Variants in ADCY8 observed in about 807,000 individuals in gnomAD.
The protein encoded by ADCY8 is adenylate cyclase type 8.
A neutral mutation model predicts 119.7 loss-of-function variants in ADCY8; 51 were observed. The observed-to-expected ratio is 0.43, with a 90% CI of 0.34 to 0.54. The LOEUF (loss-of-function observed/expected upper bound fraction) is 0.54, where lower values mean the gene tolerates loss of function less well. ADCY8 is among the 20% of genes least tolerant of loss of function. The pLI is 0.03. For synonymous variants in ADCY8, 665 were observed against 651.0 expected (o/e 1.02, Z -0.33); for missense variants, 1,383 against 1,598.8 (o/e 0.87, Z 2.30).
intron 9 of ADCY8, among the ~76,000 whole-genome samples, chr8:130,866,880 T>C (rs1030840351): frequency 1.1e-4 from 16 of 152,204 alleles, no homozygotes; most frequent in Admixed American, 6.5e-5. Context: ...TTTCCTGGCA[T>C]GTATAAGTGC....
intron 2 of ADCY8, among the ~76,000 whole-genome samples, chr8:130,977,506 G>A (rs1315634380): frequency 6.6e-6 from 1 of 152,116 alleles, no homozygotes; most frequent in African/African-American, 2.4e-5. Flanking sequence ...GTAGTCTGAG[G>A]ATTTTGCTTT....
chr8:130,813,606 A>G (rs751798333), intron 14 of ADCY8, among the ~76,000 whole-genome samples: 2 of 152,192 alleles, frequency 1.3e-5, no homozygotes, highest in South Asian at 2.1e-4. Context: ...CTTTATGTAT[A>G]TATCACATTT....
Position 130,884,473 on chromosome 8 carries a change from A to G in ADCY8, c.2109+91T>C. On this transcript the variant is annotated intron_variant, in intron 8 of 17. Coordinates refer to ENST00000286355, the MANE Select transcript of ADCY8 (RefSeq NM_001115.3). Reference sequence around the variant, plus strand: ...ACCAAAGCAAACAAACAAAGAAACCAAAACCACAGCCCCTGGGCTCTCTCT... The same window carrying G: ...ACCAAAGCAAACAAACAAAGAAACCGAAACCACAGCCCCTGGGCTCTCTCT... 2.1e-6 allele frequency: 3 copies of G among 1,415,132 alleles called. No individual in the cohort carries two copies. In the South Asian group the frequency reaches 3.6e-5, roughly 17 times the overall value. 87.7% of individuals were successfully genotyped at this position (1,415,132 alleles called of 1,614,324 possible).
intron 1 of ADCY8, among the ~76,000 whole-genome samples, chr8:131,016,263 C>T (rs1823472363): frequency 7.9e-5 from 12 of 152,122 alleles, no homozygotes; most frequent in Admixed American, 7.9e-4. Flanking sequence ...GTGGCTCACA[C>T]TTGCAATCCC....
intron 12 of ADCY8, 29 bp from the exon 13 acceptor site, chr8:130,821,449 C>G: frequency 6.4e-7 from 1 of 1,567,218 alleles, no homozygotes; most frequent in Non-Finnish European, 8.8e-7. Context: ...AACTGATAAC[C>G]ATGGGGGGAC....
chr8:130,995,508 G>A (rs1434041990), intron 1 of ADCY8, among the ~76,000 whole-genome samples: 1 of 152,082 alleles, frequency 6.6e-6, no homozygotes, highest in Non-Finnish European at 1.5e-5. Context: ...TGACAGTGAG[G>A]ATCGTTTGAT....
chr8:131,015,107 AATTG>A, intron 1 of ADCY8, among the ~76,000 whole-genome samples: 1 of 152,176 alleles, frequency 6.6e-6, no homozygotes, highest in Non-Finnish European at 1.5e-5. Flanking sequence ...ATTTTTGGAA[AATTG>A]ATTGATAAAG....
intron 1 of ADCY8, among the ~76,000 whole-genome samples, chr8:131,028,088 C>T (rs556356173): frequency 3.3e-4 from 51 of 152,316 alleles, no homozygotes; most frequent in African/African-American, 1.2e-3. Context: ...CTAACTGGGT[C>T]AGGAGTGTTG....
At chr8:131,023,458 A>G (rs1823736028) in intron 1 of ADCY8, among the ~76,000 whole-genome samples, 1 of 152,180 alleles carries the variant, frequency 6.6e-6, no homozygotes, top group African/African-American at 2.4e-5. Context: ...GTCACAGAGC[A>G]GAAGATGGCA....
In ADCY8 at chr8:130,780,361, C is replaced by CAAAA. The variant is rs5895055; in HGVS notation, c.*25_*28dup. The CAAAA allele has an allele frequency of 0.067, 83,983 of 1,254,522 alleles. 296 individuals are homozygous for CAAAA. Among genetic ancestry groups the CAAAA allele is most frequent in the Middle Eastern group, 0.092 (311 of 3,376 alleles). 77.7% of individuals were successfully genotyped at this position (1,254,522 alleles called of 1,614,324 possible). A position where few individuals can be genotyped will look rare whatever the true frequency, so the allele number is the denominator to read the frequency against. On this transcript the variant is annotated 3_prime_UTR_variant, in exon 18 of 18. Transcript: ENST00000286355. ...ATTTATTTTATATATAAAAGAAATA[C>CAAAA]AAAAAAAAAAAACAGAAAGAAAATG...
At chr8:130,813,791 A>G (rs1816249814) in intron 14 of ADCY8, among the ~76,000 whole-genome samples, 1 of 152,178 alleles carries the variant, frequency 6.6e-6, no homozygotes, top group Non-Finnish European at 1.5e-5. Context: ...ACATACACAT[A>G]CATATATATA....
chr8:131,022,527 G>C (rs553177491), intron 1 of ADCY8, among the ~76,000 whole-genome samples: 2 of 152,246 alleles, frequency 1.3e-5, no homozygotes, highest in East Asian at 3.9e-4. Flanking sequence ...TATCATTGAT[G>C]GGCATTTGGA....
Position 130,847,474 on chromosome 8 carries a change from G to C in ADCY8, c.2452C>G (p.Leu818Val), listed in dbSNP as rs772079946. 8 of 1,612,168 alleles carry C rather than the reference G, an allele frequency of 5.0e-6. No homozygotes were observed. The South Asian group carries it at 7.7e-5, about 15-fold the overall frequency. ...AACACAGCTGAGGAATTGAAAGTCAGGTTCTTCAAGGGTATCGACTTGTCA... is the reference window on the plus strand; with the variant it reads ...AACACAGCTGAGGAATTGAAAGTCACGTTCTTCAAGGGTATCGACTTGTCA... Reference protein sequence around the residue: ...DFDKSIPLKNLTFNSSAVFTD... With the variant: ...DFDKSIPLKNVTFNSSAVFTD... The change falls in exon 11 of 18, where the codon CTG (leucine) becomes GTG (valine). Residue 818 changes from leucine (L) to valine (V), a missense_variant. By Grantham distance (32) the Leu-to-Val change is conservative. Around this residue, in one of 2 missense-constraint regions of ADCY8, gnomAD observed 928 missense variants for 1,163.5 expected, o/e 0.80. Coordinates refer to ENST00000286355, the MANE Select transcript of ADCY8 (RefSeq NM_001115.3).
intron 4 of ADCY8, among the ~76,000 whole-genome samples, chr8:130,939,252 C>T (rs533623004): frequency 6.6e-6 from 1 of 152,212 alleles, no homozygotes; most frequent in East Asian, 1.9e-4. Flanking sequence ...GCAAGGTTTT[C>T]TTTTTACCTA....
chr8:130,990,722 G>A, intron 1 of ADCY8, 180 bp from the exon 2 acceptor site: 1 of 694,766 alleles, frequency 1.4e-6, no homozygotes. Context: ...CATCCCTTTG[G>A]AGAGGGCTTC....
intron 15 of ADCY8, among the ~76,000 whole-genome samples, chr8:130,790,024 A>G (rs141009660): frequency 1.3e-5 from 2 of 152,292 alleles, no homozygotes; most frequent in East Asian, 3.9e-4. Flanking sequence ...TCCAGTAGGT[A>G]GTTATTGAAT....
intron 7 of ADCY8, among the ~76,000 whole-genome samples, chr8:130,893,813 TGC>T (rs1193288887): frequency 1.4e-5 from 2 of 145,278 alleles, no homozygotes; most frequent in Non-Finnish European, 3.1e-5. Flanking sequence ...TGCATGTTTA[TGC>T]GTGTGTGTGT....
At chr8:130,914,352 T>C (rs1033056226) in intron 5 of ADCY8, among the ~76,000 whole-genome samples, 1 of 152,212 alleles carries the variant, frequency 6.6e-6, no homozygotes, top group Non-Finnish European at 1.5e-5. Flanking sequence ...GCTAATGTCA[T>C]TAGGCAATTA....
chr8:131,007,999 A>G (rs775273526), intron 1 of ADCY8, among the ~76,000 whole-genome samples: 1 of 152,208 alleles, frequency 6.6e-6, no homozygotes, highest in Non-Finnish European at 1.5e-5. Context: ...CCAATGAGGT[A>G]GGTGCTACTA....
Sources: gnomAD v4.1 joint callset for allele counts (sites outside exome capture counted in the v4.1 genomes callset) on GRCh38, gnomAD v4.1.1 for gene constraint, gnomAD v4.1.1 regional missense constraint, MANE v1.5 for transcripts, NCBI Gene and HGNC (gene_info 2026-07-23, HGNC 2026-07-21) for gene names.